Variants in FSTL5 observed in about 807,000 individuals in gnomAD.
FSTL5 encodes follistatin-related protein 5.
In FSTL5, 62 loss-of-function variants were observed where a neutral mutation model predicts 89.1. The ratio of observed to expected loss-of-function variants is 0.70; its 90% CI spans 0.57 to 0.86. The LOEUF (loss-of-function observed/expected upper bound fraction) is 0.86, where lower values mean the gene tolerates loss of function less well. FSTL5 is among the 40% of genes least tolerant of loss of function. FSTL5 has a pLI of 0.00. For synonymous variants in FSTL5, 383 were observed against 346.2 expected (o/e 1.11, Z -1.18); for missense variants, 1,057 against 1,001.6 (o/e 1.06, Z -0.75).
chr4:161,985,538 C>T (rs1735942158), intron 3 of FSTL5, among the ~76,000 whole-genome samples: 1 of 151,778 alleles, frequency 6.6e-6, no homozygotes, highest in Non-Finnish European at 1.5e-5. Flanking sequence ...ACAATGTCTC[C>T]AAGTTTCACT....
chr4:161,832,410 G>T (rs1188628738), intron 4 of FSTL5, among the ~76,000 whole-genome samples: 1 of 152,096 alleles, frequency 6.6e-6, no homozygotes, highest in African/African-American at 2.4e-5. Context: ...GAGTTAGGGA[G>T]GATTCCCTCT....
intron 6 of FSTL5, among the ~76,000 whole-genome samples, chr4:161,685,706 CAA>C (rs1392574663): frequency 6.6e-6 from 1 of 152,088 alleles, no homozygotes; most frequent in South Asian, 2.1e-4. Flanking sequence ...CATTAGCAAA[CAA>C]AGACCGTTTG....
intron 8 of FSTL5, among the ~76,000 whole-genome samples, chr4:161,547,441 C>T (rs191637929): frequency 6.6e-6 from 1 of 151,854 alleles, no homozygotes; most frequent in African/African-American, 2.4e-5. Flanking sequence ...AAATCCCCAG[C>T]TTCTTTTTAT....
intron 15 of FSTL5, among the ~76,000 whole-genome samples, chr4:161,440,119 T>G (rs1732708770): frequency 6.6e-6 from 1 of 152,154 alleles, no homozygotes; most frequent in Non-Finnish European, 1.5e-5. Flanking sequence ...TGCTACTATT[T>G]ATTTTTCCCT....
intron 6 of FSTL5, among the ~76,000 whole-genome samples, chr4:161,689,346 G>T (rs1018838819): frequency 6.6e-6 from 1 of 152,044 alleles, no homozygotes; most frequent in Non-Finnish European, 1.5e-5. Context: ...AGGACAGTAG[G>T]CAATAGTCAC....
chr4:161,683,463 T>G (rs1737595568), intron 6 of FSTL5, among the ~76,000 whole-genome samples: 1 of 152,148 alleles, frequency 6.6e-6, no homozygotes, highest in African/African-American at 2.4e-5. Flanking sequence ...TTAATGAAAT[T>G]TATTACTGTT....
intron 12 of FSTL5, among the ~76,000 whole-genome samples, chr4:161,481,396 A>C (rs2126453935): frequency 6.6e-6 from 1 of 152,200 alleles, no homozygotes; most frequent in African/African-American, 2.4e-5. Flanking sequence ...TTAATTACTT[A>C]TTTTTCTAGT....
chr4:162,101,810 G>A (rs1393910984), intron 2 of FSTL5, among the ~76,000 whole-genome samples: 1 of 152,026 alleles, frequency 6.6e-6, no homozygotes, highest in Non-Finnish European at 1.5e-5. Context: ...TTTGCTAATT[G>A]AAGTCACAAT....
chr4:161,397,385 A>G lies in FSTL5; in HGVS notation c.1842-10936T>C, dbSNP rs141584868. 9.5e-3 allele frequency among the ~76,000 whole-genome samples: 1,437 copies of G among 152,054 alleles called. 26 individuals carry two copies. The highest frequency in any genetic ancestry group is 0.034 in the African/African-American group (1,394 of 41,540). ...TAAAGGTTTTAGAAGCAAACATATC[A>G]TATGTATAAAATTAATAATAGAATA... On this transcript the variant is annotated intron_variant, in intron 15 of 15. Coordinates refer to ENST00000306100, the MANE Select transcript of FSTL5 (RefSeq NM_020116.5).
chr4:162,072,304 C>G (rs907471526), intron 2 of FSTL5, among the ~76,000 whole-genome samples: 8 of 151,684 alleles, frequency 5.3e-5, no homozygotes, highest in African/African-American at 1.9e-4. Context: ...TTTCCACCAC[C>G]AACACACAGA....
chr4:161,708,085 T>C (rs1180441561), intron 6 of FSTL5, among the ~76,000 whole-genome samples: 1 of 152,018 alleles, frequency 6.6e-6, no homozygotes, highest in Non-Finnish European at 1.5e-5. Context: ...AAGCTGGATG[T>C]TTCCTTACTC....
At chr4:162,069,529 C>G (rs976488332) in intron 2 of FSTL5, among the ~76,000 whole-genome samples, 47 of 151,890 alleles carry the variant, frequency 3.1e-4, no homozygotes, top group African/African-American at 1.1e-3. Context: ...TAACTAAACT[C>G]TCCTTATCCA....
rs954357384 is a variant in FSTL5 at position 161,619,771 on chromosome 4, G to T, written c.895-32196C>A. Among the ~76,000 whole-genome samples, 4 of 152,138 alleles carry T rather than the reference G, an allele frequency of 2.6e-5. No individual in the cohort carries two copies. The East Asian group carries it at 7.7e-4, about 29-fold the overall frequency. On this transcript the variant is annotated intron_variant, in intron 7 of 15. Coordinates refer to ENST00000306100, the MANE Select transcript of FSTL5 (RefSeq NM_020116.5). Reference sequence around the variant, plus strand: ...GTAAACTAGTTCAACCATTGTGGAAGTCAGTGTGGCGATTCCTCAGGGACC... The same window carrying T: ...GTAAACTAGTTCAACCATTGTGGAATTCAGTGTGGCGATTCCTCAGGGACC...
chr4:161,635,486 CA>C (rs1285143227), intron 7 of FSTL5, among the ~76,000 whole-genome samples: 1 of 73,198 alleles, frequency 1.4e-5, no homozygotes, highest in Non-Finnish European at 2.4e-5. Flanking sequence ...TTTCTTGTTA[CA>C]AATTAAAAAA....
At chr4:161,492,573 C>A (rs865943198) in intron 12 of FSTL5, among the ~76,000 whole-genome samples, 2 of 152,170 alleles carry the variant, frequency 1.3e-5, no homozygotes, top group Admixed American at 6.5e-5. Flanking sequence ...GCTCATGGTA[C>A]AACTATGTTG....
At chr4:161,515,751 A>G (rs1202227378) in intron 10 of FSTL5, among the ~76,000 whole-genome samples, 2 of 151,942 alleles carry the variant, frequency 1.3e-5, no homozygotes, top group Admixed American at 1.3e-4. Context: ...AGATGCTAGC[A>G]TAAGTAATAG....
intron 6 of FSTL5, among the ~76,000 whole-genome samples, chr4:161,711,771 A>G (rs1738789158): frequency 1.3e-5 from 2 of 152,192 alleles, no homozygotes; most frequent in African/African-American, 2.4e-5. Context: ...AAAGATGATT[A>G]TATGTTATGA....
chr4:161,768,714 G>A (rs573506400), intron 5 of FSTL5, among the ~76,000 whole-genome samples: 15 of 151,374 alleles, frequency 9.9e-5, no homozygotes, highest in African/African-American at 3.4e-4. Flanking sequence ...AAGCAACAGC[G>A]CCTACATCAA....
At chr4:162,058,421 CTCT>C (rs2111274858) in intron 2 of FSTL5, among the ~76,000 whole-genome samples, 1 of 110,606 alleles carries the variant, frequency 9.0e-6, no homozygotes, top group South Asian at 3.3e-4. Context: ...TAATAAATTC[CTCT>C]TTTTTTTTTT....
Sources: gnomAD v4.1 joint callset for allele counts (sites outside exome capture counted in the v4.1 genomes callset) on GRCh38, gnomAD v4.1.1 for gene constraint, MANE v1.5 for transcripts, NCBI Gene and HGNC (gene_info 2026-07-23, HGNC 2026-07-21) for gene names.